Variants in NAALADL2 observed in about 807,000 individuals in gnomAD.
NAALADL2 encodes the protein inactive N-acetylated-alpha-linked acidic dipeptidase-like protein 2.
A neutral mutation model predicts 87.2 loss-of-function variants in NAALADL2; 76 were observed. The ratio of observed to expected loss-of-function variants is 0.87; its 90% CI spans 0.72 to 1.05. The LOEUF (loss-of-function observed/expected upper bound fraction) is 1.05. Ranked by LOEUF, NAALADL2 falls within the 50% of genes least tolerant of loss-of-function variation. NAALADL2 has a pLI of 0.00. For synonymous variants in NAALADL2, 354 were observed against 331.0 expected, an observed-to-expected ratio of 1.07 and a Z score of -0.75; for missense variants, 1,089 against 945.8, an observed-to-expected ratio of 1.15 and a Z score of -1.99.
intron 11 of NAALADL2, among the ~76,000 whole-genome samples, chr3:175,657,749 T>C (rs1474788811): frequency 8.2e-6 from 1 of 121,272 alleles, no homozygotes; most frequent in African/African-American, 4.7e-5. Context: ...CCCGGCTAAT[T>C]TTTTTGTATT....
chr3:174,827,732 T>C (rs1722161900), intron 3 of NAALADL2, among the ~76,000 whole-genome samples: 1 of 152,232 alleles, frequency 6.6e-6, no homozygotes, highest in South Asian at 2.1e-4. Flanking sequence ...ACAAATACTT[T>C]AAAATCTAGC....
At chr3:175,086,191 A>G (rs932212815) in intron 1 of NAALADL2, among the ~76,000 whole-genome samples, 2 of 152,210 alleles carry the variant, frequency 1.3e-5, no homozygotes, top group Non-Finnish European at 2.9e-5. Context: ...AGTCATTTCT[A>G]AGAAAACATC....
chr3:175,210,883 A>G (rs1471174944), intron 2 of NAALADL2, among the ~76,000 whole-genome samples: 3 of 151,804 alleles, frequency 2.0e-5, no homozygotes, highest in Non-Finnish European at 4.4e-5. Context: ...TAAAATTACT[A>G]TGATTATAGA....
At chr3:174,476,329 A>C (rs1717208433) in intron 1 of NAALADL2, among the ~76,000 whole-genome samples, 1 of 151,708 alleles carries the variant, frequency 6.6e-6, no homozygotes, top group Non-Finnish European at 1.5e-5. Flanking sequence ...AGAGGAATAA[A>C]CTATCAAAGA....
chr3:175,009,970 A>G (rs913926342), intron 1 of NAALADL2, among the ~76,000 whole-genome samples: 4 of 152,096 alleles, frequency 2.6e-5, no homozygotes, highest in African/African-American at 9.7e-5. Context: ...CTTGCTTGCT[A>G]TGATGTTTCT....
intron 1 of NAALADL2, among the ~76,000 whole-genome samples, chr3:175,023,100 C>T (rs1188970791): frequency 1.3e-5 from 2 of 151,942 alleles, no homozygotes; most frequent in African/African-American, 2.4e-5. Flanking sequence ...GGTTCTTTTG[C>T]ATGTCAAAAT....
At chr3:174,867,920 T>C (rs1208130672) in intron 1 of NAALADL2, among the ~76,000 whole-genome samples, 1 of 152,044 alleles carries the variant, frequency 6.6e-6, no homozygotes, top group African/African-American at 2.4e-5. Context: ...GTGACTCTCG[T>C]TGGATTACCT....
intron 3 of NAALADL2, among the ~76,000 whole-genome samples, chr3:175,236,459 G>T (rs1163570227): frequency 6.7e-6 from 1 of 148,790 alleles, no homozygotes; most frequent in Non-Finnish European, 1.5e-5. Flanking sequence ...TGAGGCAGGA[G>T]AATCACTGGA....
At chr3:175,565,834 T>TCC (rs1346742441) in intron 9 of NAALADL2, among the ~76,000 whole-genome samples, 2 of 132,168 alleles carry the variant, frequency 1.5e-5, no homozygotes, top group Non-Finnish European at 1.6e-5. Flanking sequence ...CCCCCCTTTT[T>TCC]TTTTTTTTTT....
chr3:174,568,684 C>T (rs1211562609), intron 2 of NAALADL2, among the ~76,000 whole-genome samples: 2 of 151,410 alleles, frequency 1.3e-5, no homozygotes, highest in African/African-American at 2.4e-5. Context: ...TGTTTTTTAT[C>T]GGTCTTATCA....
rs533474183 is a variant in NAALADL2, at chr3:174,802,545, C to T, written c.-9+64799C>T. On this transcript the variant is annotated intron_variant, in intron 3 of 3. Coordinates refer to the NAALADL2 transcript ENST00000434257. Reference sequence around the variant, plus strand: ...ATGTGCACAATGTGCAAGTTTGTTACATAGGTATACATGTGCCATGTTGGT... The same window carrying T: ...ATGTGCACAATGTGCAAGTTTGTTATATAGGTATACATGTGCCATGTTGGT... Among the ~76,000 whole-genome samples, 211 of 152,240 alleles carry T rather than the reference C, an allele frequency of 1.4e-3. 1 individual carries two copies. Among genetic ancestry groups the T allele is most frequent in the Non-Finnish European group, 2.7e-3 (181 of 68,024 alleles).
In NAALADL2 at chr3:175,558,775, T is replaced by G. The variant is rs1482142427; in HGVS notation, c.1654-17266T>G. ...CGGTGGATTCTCTATTCTGTTCCAC[T>G]GATCTTTGTGTCTGTTTTTATGCCA... On this transcript the variant is annotated intron_variant, in intron 9 of 13. Coordinates refer to ENST00000454872, the MANE Select transcript of NAALADL2 (RefSeq NM_207015.3). Among the ~76,000 whole-genome samples, 2 of 152,238 alleles carry G rather than the reference T, an allele frequency of 1.3e-5. 1 individual carries two copies. Among genetic ancestry groups the G allele is most frequent in the African/African-American group, 4.8e-5 (2 of 41,470 alleles).
At chr3:174,909,361 C>T (rs376276688) in intron 1 of NAALADL2, among the ~76,000 whole-genome samples, 1 of 152,116 alleles carries the variant, frequency 6.6e-6, no homozygotes, top group South Asian at 2.1e-4. Flanking sequence ...TGCCATTGCA[C>T]TCCAGCCTGG....
chr3:174,765,953 A>G (rs920035225), intron 3 of NAALADL2, among the ~76,000 whole-genome samples: 2 of 152,170 alleles, frequency 1.3e-5, no homozygotes, highest in East Asian at 3.9e-4. Flanking sequence ...TGATACACAC[A>G]AAACCCTTGG....
Position 175,808,776 on chromosome 3 carries a change from G to A in NAALADL2, c.*5573G>A, listed in dbSNP as rs1314607688. On this transcript the variant is annotated 3_prime_UTR_variant, in exon 14 of 14. Coordinates refer to ENST00000454872, the MANE Select transcript of NAALADL2 (RefSeq NM_207015.3). ...TTATGAATTATTATGTTGCATTGAA[G>A]TTAATGTCGGTCTTTTGTTCTAATT... 1 of 151,992 alleles carries A rather than the reference G, an allele frequency of 6.6e-6. No individual in the cohort carries two copies. The highest frequency in any genetic ancestry group is 1.5e-5 in the Non-Finnish European group (1 of 67,960). The allele number at this position is 151,992 out of a possible 1,614,324, so 9.4% of individuals were successfully genotyped here.
chr3:174,979,489 T>C (rs1033606164), intron 1 of NAALADL2, among the ~76,000 whole-genome samples: 1 of 151,764 alleles, frequency 6.6e-6, no homozygotes, highest in African/African-American at 2.4e-5. Flanking sequence ...GTATTTTTAG[T>C]AGAGATGGGG....
chr3:175,782,644 AT>A (rs1264881108), intron 13 of NAALADL2, among the ~76,000 whole-genome samples: 2 of 136,640 alleles, frequency 1.5e-5, no homozygotes, highest in Non-Finnish European at 3.0e-5. Flanking sequence ...ATTTTCTCCC[AT>A]TTTGTAGGTT....
At chr3:175,731,839 C>T (rs142573290) in intron 11 of NAALADL2, among the ~76,000 whole-genome samples, 617 of 152,202 alleles carry the variant, frequency 4.1e-3, no homozygotes, top group Middle Eastern at 0.02. Flanking sequence ...TCTCCCTCCT[C>T]CTTTTTCTTT....
chr3:174,461,483 C>T (rs1042658811), intron 1 of NAALADL2, among the ~76,000 whole-genome samples: 18 of 151,918 alleles, frequency 1.2e-4, no homozygotes, highest in African/African-American at 3.6e-4. Flanking sequence ...GAATGCTTTG[C>T]GGATTTTTCC....
Sources: gnomAD v4.1 joint callset for allele counts (sites outside exome capture counted in the v4.1 genomes callset) on GRCh38, gnomAD v4.1.1 for gene constraint, MANE v1.5 for transcripts, NCBI Gene and HGNC (gene_info 2026-07-23, HGNC 2026-07-21) for gene names.